Variants in SIL1 observed in about 807,000 individuals in gnomAD.
SIL1 encodes the protein SIL1 nucleotide exchange factor, also known as nucleotide exchange factor SIL1.
SIL1 carries 40 observed loss-of-function variants against 49.1 expected under a neutral mutation model. The observed-to-expected ratio is 0.81, with a 90% CI of 0.63 to 1.06. The LOEUF (loss-of-function observed/expected upper bound fraction) is 1.06, where lower values mean the gene tolerates loss of function less well. SIL1 is among the 50% of genes least tolerant of loss of function. SIL1 has a pLI of 0.00. For synonymous variants in SIL1, 253 were observed against 250.8 expected (o/e 1.01, Z -0.08); for missense variants, 500 against 572.6 (o/e 0.87, Z 1.29).
intron 1 of SIL1, among the ~76,000 whole-genome samples, chr5:139,195,990 G>A (rs1046411259): frequency 6.6e-6 from 1 of 152,120 alleles, no homozygotes; most frequent in African/African-American, 2.4e-5. Context: ...TTCAAAAACA[G>A]CCTGGGCAAC....
intron 5 of SIL1, among the ~76,000 whole-genome samples, chr5:139,036,357 C>T (rs773553383): frequency 1.1e-4 from 16 of 152,180 alleles, no homozygotes; most frequent in East Asian, 1.9e-4. Context: ...TTCAATATTC[C>T]GTGTATGGCT....
chr5:139,135,424 A>G (rs1374838594), intron 1 of SIL1, among the ~76,000 whole-genome samples: 4 of 152,176 alleles, frequency 2.6e-5, no homozygotes, highest in Non-Finnish European at 4.4e-5. Context: ...AGCTACAAAG[A>G]GCTACAGAGA....
chr5:139,099,157 C>T lies in SIL1; in HGVS notation c.244+21878G>A, dbSNP rs1434092557. 2.0e-5 allele frequency among the ~76,000 whole-genome samples: 3 copies of T among 151,954 alleles called. No homozygotes were observed. In the East Asian group the frequency reaches 5.8e-4, roughly 29 times the overall value. ...TAAAAGAAGACATACAAATGGCAAA[C>T]GGGTATATGAAAAGGTACTTAACAT... On this transcript the variant is annotated intron_variant, in intron 3 of 9. Coordinates refer to ENST00000394817, the MANE Select transcript of SIL1 (RefSeq NM_022464.5).
intron 1 of SIL1, among the ~76,000 whole-genome samples, chr5:139,142,153 C>A (rs1751093123): frequency 1.3e-5 from 2 of 152,304 alleles, no homozygotes; most frequent in South Asian, 2.1e-4. Flanking sequence ...AACTTCAAAG[C>A]CAAAGCTCCA....
chr5:138,960,413 CTTTTTTT>C (rs150578906), intron 7 of SIL1, among the ~76,000 whole-genome samples: 8 of 124,272 alleles, frequency 6.4e-5, no homozygotes, highest in African/African-American at 2.3e-4. Flanking sequence ...AAATCTACGT[CTTTTTTT>C]TTTTTTTTTT....
intron 1 of SIL1, among the ~76,000 whole-genome samples, chr5:139,196,143 T>C (rs545569479): frequency 2.0e-5 from 3 of 152,288 alleles, no homozygotes; most frequent in East Asian, 3.9e-4. Flanking sequence ...TGAGCTATGA[T>C]TATGCCACTG....
intron 1 of SIL1, among the ~76,000 whole-genome samples, chr5:139,129,987 T>C (rs567169189): frequency 1.3e-5 from 2 of 152,326 alleles, no homozygotes; most frequent in African/African-American, 4.8e-5. Context: ...ATGGGTATAT[T>C]GTCCAGAATG....
intron 1 of SIL1, among the ~76,000 whole-genome samples, chr5:139,177,454 G>A (rs1751908582): frequency 2.0e-5 from 3 of 151,712 alleles, no homozygotes; most frequent in Middle Eastern, 3.4e-3. Context: ...TGGTCAGGCT[G>A]GTTTCGAATT....
intron 3 of SIL1, among the ~76,000 whole-genome samples, chr5:139,117,127 C>G (rs1309209748): frequency 6.6e-6 from 1 of 152,244 alleles, no homozygotes; most frequent in Non-Finnish European, 1.5e-5. Context: ...AATACTTCCA[C>G]CAAGACATCC....
At chr5:139,077,112 C>T (rs1010554198) in intron 3 of SIL1, among the ~76,000 whole-genome samples, 2 of 152,106 alleles carry the variant, frequency 1.3e-5, no homozygotes, top group African/African-American at 4.8e-5. Context: ...CCAACCTTGG[C>T]GACACAGTAA....
intron 3 of SIL1, among the ~76,000 whole-genome samples, chr5:139,119,192 C>G (rs1172060773): frequency 3.9e-5 from 6 of 152,204 alleles, no homozygotes; most frequent in Non-Finnish European, 7.3e-5. Flanking sequence ...AGGAGTCTCT[C>G]AGAGTCCACA....
chr5:139,004,703 T>A (rs1370111076), intron 7 of SIL1, among the ~76,000 whole-genome samples: 1 of 152,116 alleles, frequency 6.6e-6, no homozygotes. Flanking sequence ...TGAATCAACC[T>A]AACTGTCCAT....
At chr5:139,097,762 C>T (rs1291419091) in intron 3 of SIL1, among the ~76,000 whole-genome samples, 1 of 152,072 alleles carries the variant, frequency 6.6e-6, no homozygotes, top group East Asian at 1.9e-4. Flanking sequence ...AGGAGAGAGC[C>T]ACCGTGCCCA....
intron 1 of SIL1, among the ~76,000 whole-genome samples, chr5:139,150,111 G>A (rs1046773189): frequency 2.6e-5 from 4 of 152,172 alleles, no homozygotes; most frequent in African/African-American, 9.7e-5. Context: ...TCACTTAATA[G>A]AAGGAGCCAG....
At chr5:139,042,896 G>A (rs775797682) in intron 4 of SIL1, among the ~76,000 whole-genome samples, 177 bp from the exon 5 acceptor site, 9 of 152,170 alleles carry the variant, frequency 5.9e-5, no homozygotes, top group Non-Finnish European at 8.8e-5. Flanking sequence ...CAGCTACGTG[G>A]GAAGCAGGAG....
chr5:139,170,516 A>G (rs1236350558), intron 1 of SIL1, among the ~76,000 whole-genome samples: 2 of 122,170 alleles, frequency 1.6e-5, no homozygotes, highest in Non-Finnish European at 3.4e-5. Flanking sequence ...CCTCTGCCCC[A>G]CCACCCCATC....
chr5:138,955,883 A>G (rs1453790127), intron 7 of SIL1, among the ~76,000 whole-genome samples: 1 of 152,226 alleles, frequency 6.6e-6, no homozygotes, highest in South Asian at 2.1e-4. Context: ...CCGGAACAAC[A>G]AGGGCTGAAA....
intron 1 of SIL1, among the ~76,000 whole-genome samples, chr5:139,135,150 G>A (rs1009493166): frequency 6.6e-6 from 1 of 152,206 alleles, no homozygotes; most frequent in Non-Finnish European, 1.5e-5. Context: ...CAATTAAATG[G>A]AAAGTCTTTG....
At chr5:139,165,195 C>A (rs760543552) in intron 1 of SIL1, among the ~76,000 whole-genome samples, 1 of 152,238 alleles carries the variant, frequency 6.6e-6, no homozygotes, top group African/African-American at 2.4e-5. Context: ...TTGGTCTCCA[C>A]AATCCTTTAT....
Sources: allele counts gnomAD v4.1 joint callset (sites outside exome capture counted in the v4.1 genomes callset), GRCh38; gene constraint gnomAD v4.1.1; transcripts MANE v1.5; gene names NCBI Gene and HGNC (gene_info 2026-07-23, HGNC 2026-07-21).